Variants in ORC1 observed in about 807,000 individuals in gnomAD.
The protein encoded by ORC1 is origin recognition complex subunit 1.
ORC1 carries 61 observed loss-of-function variants against 98.9 expected under a neutral mutation model. The ratio of observed to expected loss-of-function variants is 0.62; its 90% confidence interval spans 0.50 to 0.76. The LOEUF (loss-of-function observed/expected upper bound fraction) is 0.76. Ranked by LOEUF, ORC1 falls within the 30% of genes least tolerant of loss-of-function variation. The pLI, the probability that ORC1 is intolerant of heterozygous loss-of-function variation, is 0.00. For missense variants in ORC1, 979 were observed against 1,072.2 expected, an observed-to-expected ratio of 0.91 and a Z score of 1.21; for synonymous variants, 385 against 406.9, an observed-to-expected ratio of 0.95 and a Z score of 0.65.
intron 1 of ORC1, among the ~76,000 whole-genome samples, chr1:52,403,277 TG>T (rs1647818511): frequency 6.6e-6 from 1 of 152,234 alleles, no homozygotes; most frequent in Non-Finnish European, 1.5e-5. Flanking sequence ...AAATGCAAAA[TG>T]GTAAATCCAC....
At chr1:52,404,611 T>G (rs1569969047), upstream of ORC1, 1 of 848,416 alleles carries the variant, frequency 1.2e-6, no homozygotes, top group South Asian at 1.8e-5. Flanking sequence ...TACACTACGG[T>G]GTTTCCGGCT....
rs1569961350 is a variant in ORC1 at position 52,401,414 on chromosome 1, C to T, written c.171G>A (p.Gly57=). Residue 57 remains glycine, a synonymous_variant, in exon 3 of 17, where the codon GGG becomes GGA. Coordinates refer to ENST00000371568, the MANE Select transcript of ORC1 (RefSeq NM_004153.4). The part of the protein sequence containing the change: ...IQIGQFVLIE[G]DDDENPYVAK... ...CAACATACGGGTTTTCATCATCATC[C>T]CCTTCAATCAACACAAACTGTCCAA... is the stretch of plus-strand genomic sequence containing the variant. 3 of 1,614,030 alleles carry T rather than the reference C, an allele frequency of 1.9e-6. No homozygotes were observed. Among genetic ancestry groups the T allele is most frequent in the East Asian group, 4.5e-5 (2 of 44,874 alleles).
chr1:52,387,355 T>TC (rs1490235678), intron 8 of ORC1, among the ~76,000 whole-genome samples: 2 of 152,048 alleles, frequency 1.3e-5, no homozygotes, highest in East Asian at 1.9e-4. Context: ...CCTGAAACCA[T>TC]CCCCCCAGCC....
intron 1 of ORC1, among the ~76,000 whole-genome samples, 197 bp downstream of exon 1, chr1:52,404,049 G>C (rs1647868175): frequency 6.6e-6 from 1 of 152,208 alleles, no homozygotes; most frequent in African/African-American, 2.4e-5. Context: ...CTGCAGCGCG[G>C]GAAGCCTTTT....
chr1:52,383,787 G>T (rs1208869666), intron 12 of ORC1, 43 bp downstream of exon 12: 4 of 1,524,822 alleles, frequency 2.6e-6, no homozygotes, highest in Non-Finnish European at 3.6e-6. Context: ...TGCTCCTGAG[G>T]TACAGCCCTG....
chr1:52,377,703 CAAAAAAA>C (rs58266239), intron 14 of ORC1, among the ~76,000 whole-genome samples: 4 of 58,770 alleles, frequency 6.8e-5, no homozygotes, highest in Admixed American at 6.1e-4. Context: ...CCCCTAGAAG[CAAAAAAA>C]AAAAAAAAAA....
rs779632655 is a variant in ORC1, at chr1:52,396,293, T to C, written c.474A>G (p.Leu158=). Residue 158 remains leucine (L), a synonymous_variant, in exon 5 of 17, where the codon CTA becomes CTG. Transcript: ENST00000371568. ...GCCTGAATTTCTTCTCATTCCAGGA[T>C]AGTTTCACAAAGAGTGTCTTCTCAT... ...LKNEKTLFVK[L]SWNEKKFRPL... 5 of 1,614,080 alleles carry C rather than the reference T, an allele frequency of 3.1e-6. No homozygotes were observed. The Admixed American group carries it at 5.0e-5, about 16-fold the overall frequency.
Position 52,383,821 on chromosome 1 carries a change from G to A in ORC1, c.1863+9C>T, listed in dbSNP as rs1647105640. On this transcript the variant is annotated intron_variant, in intron 12 of 16. Transcript: ENST00000371568. ...TGTTTCTTCTCCTGTCCGCCCATGG[G>A]CACCTCACCTCATCCACAAGCAGGA... 1 of 1,607,146 alleles carries A rather than the reference G, an allele frequency of 6.2e-7. No individual in the cohort carries two copies. Among genetic ancestry groups the A allele is most frequent in the East Asian group, 2.2e-5 (1 of 44,836 alleles).
intron 14 of ORC1, among the ~76,000 whole-genome samples, chr1:52,380,729 C>G (rs1310950153): frequency 6.6e-6 from 1 of 151,284 alleles, no homozygotes; most frequent in Non-Finnish European, 1.5e-5. Context: ...AAAAAAGGAT[C>G]ATTCAAAGAA....
intron 14 of ORC1, among the ~76,000 whole-genome samples, chr1:52,376,763 C>A (rs1647000297): frequency 6.6e-6 from 1 of 152,092 alleles, no homozygotes; most frequent in East Asian, 1.9e-4. Flanking sequence ...ACCAGTCTGA[C>A]CCCAAGGGTA....
intron 3 of ORC1, 127 bp downstream of exon 3, chr1:52,401,235 G>T: frequency 8.2e-7 from 1 of 1,213,220 alleles, no homozygotes. Context: ...GACGCAGCTA[G>T]TTCTTACGTG....
chr1:52,393,139 T>C (rs1041128294), intron 6 of ORC1, among the ~76,000 whole-genome samples: 1 of 152,126 alleles, frequency 6.6e-6, no homozygotes, highest in Non-Finnish European at 1.5e-5. Flanking sequence ...ACTAATGAAA[T>C]CCCAAACTGG....
chr1:52,407,915 G>A (rs1006400282), upstream of ORC1, among the ~76,000 whole-genome samples: 14 of 152,274 alleles, frequency 9.2e-5, 1 homozygote, highest in African/African-American at 3.1e-4. Context: ...ATTAGGCTGG[G>A]TGTGTTGGCA....
At chr1:52,380,339 G>C (rs533205049) in intron 14 of ORC1, among the ~76,000 whole-genome samples, 1 of 152,352 alleles carries the variant, frequency 6.6e-6, no homozygotes, top group South Asian at 2.1e-4. Flanking sequence ...ATGCAAGATA[G>C]AGACCAAAAT....
At chr1:52,389,997 A>G (rs1485712582) in intron 6 of ORC1, among the ~76,000 whole-genome samples, 1 of 152,232 alleles carries the variant, frequency 6.6e-6, no homozygotes, top group Non-Finnish European at 1.5e-5. Flanking sequence ...GACTCATCCA[A>G]AAAGGTCCTA....
chr1:52,392,582 T>A (rs1459642510), intron 6 of ORC1, among the ~76,000 whole-genome samples: 1 of 152,102 alleles, frequency 6.6e-6, no homozygotes, highest in African/African-American at 2.4e-5. Flanking sequence ...AAAGAAGTCA[T>A]TATATTAAAA....
In ORC1 at chr1:52,390,885, T is replaced by A. The variant is rs1424197217; in HGVS notation, c.1083-1564A>T. Among the ~76,000 whole-genome samples the A allele has an allele frequency of 2.4e-5, 3 of 122,550 alleles. No individual in the cohort carries two copies. In the East Asian group the frequency reaches 7.0e-4, roughly 28 times the overall value. 80.4% of individuals were successfully genotyped at this position (122,550 alleles called of 152,430 possible). A position where few individuals can be genotyped will look rare whatever the true frequency, so the allele number is the denominator to read the frequency against. The stretch of plus-strand genomic sequence containing the variant: ...CCAGCCTGGACAACAACAGCAAAAC[T>A]CTGTCTCCAAAAAAAGAAAAAAAAA... On this transcript the variant is annotated intron_variant, in intron 6 of 16. Transcript: ENST00000371568.
chr1:52,384,029 C>T, intron 11 of ORC1, 92 bp from the exon 12 acceptor site: 1 of 1,013,720 alleles, frequency 9.9e-7, no homozygotes, highest in Non-Finnish European at 1.6e-6. Flanking sequence ...AGGCATTTAA[C>T]CTGAGGACTT....
In ORC1 at chr1:52,375,597, T is replaced by C. The variant is rs1251184248; in HGVS notation, c.2136A>G (p.Val712=). ...DDAIQLVARK[V]AALSGDARRC... ...GTCGTGCATCTCCAGACAGTGCTGCTACCTACAAGAGGGAATATTTTATTC... is the reference window on the plus strand; with the variant it reads ...GTCGTGCATCTCCAGACAGTGCTGCCACCTACAAGAGGGAATATTTTATTC... Residue 712 remains valine (V), a splice_region_variant and synonymous_variant, in exon 15 of 17, where the codon GTA becomes GTG. Transcript: ENST00000371568. The C allele has an allele frequency of 1.9e-6, 3 of 1,613,582 alleles. No individual in the cohort carries two copies. Among genetic ancestry groups the C allele is most frequent in the African/African-American group, 2.7e-5 (2 of 74,918 alleles).
Sources: allele counts gnomAD v4.1 joint callset (sites outside exome capture counted in the v4.1 genomes callset), GRCh38; gene constraint gnomAD v4.1.1; transcripts MANE v1.5; gene names NCBI Gene and HGNC (gene_info 2026-07-23, HGNC 2026-07-21).